The following KIAA0825 variants were observed in gnomAD, a reference collection of about 807,000 sequenced individuals.
KIAA0825 encodes the protein uncharacterized protein KIAA0825.
In KIAA0825, 119 loss-of-function variants were observed where a neutral mutation model predicts 147.6. The ratio of observed to expected loss-of-function variants is 0.81; its 90% CI spans 0.69 to 0.94. The LOEUF (loss-of-function observed/expected upper bound fraction) is 0.94. KIAA0825 is among the 40% of genes least tolerant of loss of function. The probability of loss-of-function intolerance (pLI) is 0.00; values close to 1 mark genes in which losing one functional copy is unlikely to be tolerated. For missense variants in KIAA0825, 1,381 were observed against 1,472.7 expected (o/e 0.94, Z 1.02); for synonymous variants, 470 against 518.1 (o/e 0.91, Z 1.26).
At chr5:94,512,675 T>A (rs547381628) in intron 5 of KIAA0825, among the ~76,000 whole-genome samples, 39 of 150,580 alleles carry the variant, frequency 2.6e-4, no homozygotes, top group Middle Eastern at 7.2e-3. Context: ...GGGCGGATCA[T>A]CTGAGGTCAG....
At chr5:94,372,519 C>G (rs1346329093) in intron 20 of KIAA0825, among the ~76,000 whole-genome samples, 4 of 152,252 alleles carry the variant, frequency 2.6e-5, no homozygotes, top group Non-Finnish European at 4.4e-5. Flanking sequence ...GGCTTGCACC[C>G]TCTGAAGCAA....
chr5:94,518,298 G>A lies in KIAA0825; in HGVS notation c.970+1950C>T, dbSNP rs191199276. ...TAGCAGTTCTCATATGGCAGTAGCA[G>A]TAGTGACTCATTTAGTTTTCTTCCC... On this transcript the variant is annotated intron_variant, in intron 5 of 20. Transcript: ENST00000682413. Among the ~76,000 whole-genome samples the A allele has an allele frequency of 3.9e-3, 591 of 152,272 alleles. 4 individuals are homozygous for A. Among genetic ancestry groups the A allele is most frequent in the African/African-American group, 0.014 (565 of 41,556 alleles).
intron 20 of KIAA0825, among the ~76,000 whole-genome samples, chr5:94,185,437 A>C (rs1352239060): frequency 6.6e-6 from 1 of 152,218 alleles, no homozygotes; most frequent in African/African-American, 2.4e-5. Context: ...CTTTATAAGG[A>C]AGCCACATAT....
chr5:94,223,594 C>A (rs998493367), intron 20 of KIAA0825, among the ~76,000 whole-genome samples: 4 of 152,170 alleles, frequency 2.6e-5, no homozygotes, highest in African/African-American at 9.7e-5. Context: ...ATATATTAAA[C>A]TCCACTTACA....
chr5:94,521,367 A>T (rs538546167), intron 4 of KIAA0825, among the ~76,000 whole-genome samples: 1 of 151,886 alleles, frequency 6.6e-6, no homozygotes, highest in African/African-American at 2.4e-5. Context: ...TAAAACCCCA[A>T]ATGAACATAT....
chr5:94,547,257 C>A (rs1394904465), intron 2 of KIAA0825, among the ~76,000 whole-genome samples: 3 of 151,598 alleles, frequency 2.0e-5, no homozygotes, highest in Non-Finnish European at 4.4e-5. Context: ...GAGTTATTGG[C>A]CTTAAAGAGA....
At chr5:94,335,439 C>T (rs1781702534) in intron 20 of KIAA0825, among the ~76,000 whole-genome samples, 1 of 151,946 alleles carries the variant, frequency 6.6e-6, no homozygotes, top group South Asian at 2.1e-4. Flanking sequence ...TGTTATTTCT[C>T]ATATTTTCAG....
chr5:94,316,057 C>T (rs1274701115), intron 20 of KIAA0825, among the ~76,000 whole-genome samples: 1 of 151,620 alleles, frequency 6.6e-6, no homozygotes, highest in South Asian at 2.1e-4. Flanking sequence ...TTTAGAATGT[C>T]AGCATACAAA....
At chr5:94,512,401 A>G (rs1317810141) in intron 5 of KIAA0825, among the ~76,000 whole-genome samples, 2 of 152,120 alleles carry the variant, frequency 1.3e-5, no homozygotes, top group Non-Finnish European at 2.9e-5. Context: ...TTAGGGATTA[A>G]TTGCTTATAA....
At chr5:94,553,131 C>A (rs1176850380) in intron 2 of KIAA0825, among the ~76,000 whole-genome samples, 4 of 151,980 alleles carry the variant, frequency 2.6e-5, no homozygotes, top group Non-Finnish European at 4.4e-5. Context: ...CCATGTACAA[C>A]GATTGTCAAT....
intron 18 of KIAA0825, 106 bp from the exon 19 acceptor site, chr5:94,386,510 T>C: frequency 1.2e-6 from 1 of 845,630 alleles, no homozygotes; most frequent in Non-Finnish European, 1.8e-6. Context: ...TTTGCTAGAT[T>C]ACAGTGTATT....
intron 15 of KIAA0825, 46 bp from the exon 16 acceptor site, chr5:94,403,839 C>T (rs758789450): frequency 3.7e-5 from 55 of 1,470,168 alleles, no homozygotes; most frequent in Non-Finnish European, 4.8e-5. Context: ...CCTAGCAAAT[C>T]AGTTGTGCCT....
intron 20 of KIAA0825, among the ~76,000 whole-genome samples, chr5:94,178,366 T>C (rs1583760706): frequency 6.6e-6 from 1 of 152,010 alleles, no homozygotes; most frequent in East Asian, 1.9e-4. Context: ...TTGGGAATTC[T>C]GTCCCCCCTT....
chr5:94,598,824 G>A (rs759765027), intron 1 of KIAA0825, among the ~76,000 whole-genome samples: 12 of 152,116 alleles, frequency 7.9e-5, no homozygotes, highest in African/African-American at 2.2e-4. Flanking sequence ...CCAAAATGTC[G>A]TTATGTGGCA....
chr5:94,546,517 CAG>C (rs34483380), intron 2 of KIAA0825, among the ~76,000 whole-genome samples: 50,657 of 148,506 alleles, frequency 0.34, 8,637 homozygotes, highest in East Asian at 0.62. Context: ...TGGCTCAGCA[CAG>C]AGAGAGAGAG....
At chr5:94,562,594 T>C (rs1333381408) in intron 2 of KIAA0825, among the ~76,000 whole-genome samples, 1 of 152,348 alleles carries the variant, frequency 6.6e-6, no homozygotes, top group African/African-American at 2.4e-5. Flanking sequence ...TCAACTTTCA[T>C]TTAGCAACTA....
intron 20 of KIAA0825, among the ~76,000 whole-genome samples, chr5:94,367,634 T>C (rs1746061471): frequency 6.6e-6 from 1 of 152,240 alleles, no homozygotes; most frequent in South Asian, 2.1e-4. Flanking sequence ...AGGTGAAGGA[T>C]GCCTTGACAT....
intron 20 of KIAA0825, among the ~76,000 whole-genome samples, chr5:94,340,764 T>G (rs529117675): frequency 6.6e-6 from 1 of 152,214 alleles, no homozygotes; most frequent in East Asian, 1.9e-4. Flanking sequence ...GTATCAAGCA[T>G]AAACATCAGT....
chr5:94,228,539 C>T (rs1400576238), intron 20 of KIAA0825, among the ~76,000 whole-genome samples: 2 of 152,290 alleles, frequency 1.3e-5, no homozygotes, highest in Admixed American at 6.5e-5. Context: ...TGATTAGCTG[C>T]TTTTCCAGAA....
Sources: allele counts gnomAD v4.1 joint callset (sites outside exome capture counted in the v4.1 genomes callset), GRCh38; gene constraint gnomAD v4.1.1; transcripts MANE v1.5; gene names NCBI Gene and HGNC (gene_info 2026-07-23, HGNC 2026-07-21).